Variants in MED27 observed in about 807,000 individuals in gnomAD.
MED27 encodes mediator complex subunit 27, also known as mediator of RNA polymerase II transcription subunit 27.
A neutral mutation model predicts 38.2 loss-of-function variants in MED27; 30 were observed. That is an observed-to-expected ratio of 0.79 (90% CI 0.59 to 1.07). MED27 has a LOEUF of 1.07. Among genes scored for constraint, MED27 ranks in the 50% least tolerant of loss-of-function variants. MED27 has a pLI of 0.00. For synonymous variants in MED27, 122 were observed against 153.5 expected (o/e 0.79, Z 1.52); for missense variants, 289 against 397.5 (o/e 0.73, Z 2.32).
intron 4 of MED27, among the ~76,000 whole-genome samples, chr9:131,899,403 C>T (rs1305499001): frequency 2.0e-5 from 3 of 152,328 alleles, no homozygotes; most frequent in Non-Finnish European, 4.4e-5. Context: ...GGCAGCCAGA[C>T]CTCCTGGCGG....
chr9:131,986,637 C>T (rs1034716771), intron 3 of MED27, among the ~76,000 whole-genome samples: 2 of 152,178 alleles, frequency 1.3e-5, no homozygotes, highest in Non-Finnish European at 2.9e-5. Flanking sequence ...TAACAGGCTA[C>T]ACCTTATAGC....
intron 2 of MED27, among the ~76,000 whole-genome samples, chr9:132,039,282 C>T (rs948987964): frequency 2.6e-5 from 4 of 152,104 alleles, no homozygotes; most frequent in African/African-American, 4.8e-5. Context: ...TGCTGAGAGG[C>T]GGGAGAACTC....
chr9:132,067,083 C>T (rs185363061), intron 2 of MED27, among the ~76,000 whole-genome samples: 247 of 152,356 alleles, frequency 1.6e-3, no homozygotes, highest in African/African-American at 5.5e-3. Context: ...TCCAATTTCA[C>T]TCCATTCAAA....
intron 3 of MED27, among the ~76,000 whole-genome samples, chr9:132,005,908 C>T (rs1238374793): frequency 6.6e-6 from 1 of 152,038 alleles, no homozygotes; most frequent in African/African-American, 2.4e-5. Context: ...AATATGGTCC[C>T]GCAATGGAGA....
chr9:131,990,094 A>T (rs1459574545), intron 3 of MED27, among the ~76,000 whole-genome samples: 2 of 152,044 alleles, frequency 1.3e-5, no homozygotes, highest in Non-Finnish European at 2.9e-5. Context: ...GATCCTTCCC[A>T]GACGGTGCTT....
At chr9:131,929,181 C>A (rs1425006512) in intron 4 of MED27, among the ~76,000 whole-genome samples, 1 of 152,156 alleles carries the variant, frequency 6.6e-6, no homozygotes, top group African/African-American at 2.4e-5. Context: ...CACCTGCTGA[C>A]CAAAGGGCCC....
Position 131,987,404 on chromosome 9 carries a change from G to T in MED27, c.479+26933C>A, listed in dbSNP as rs531469277. Among the ~76,000 whole-genome samples, 11 of 152,198 alleles carry T rather than the reference G, an allele frequency of 7.2e-5. 2 individuals are homozygous for T. Among genetic ancestry groups the T allele is most frequent in the Admixed American group, 6.5e-5 (1 of 15,294 alleles). On this transcript the variant is annotated intron_variant, in intron 3 of 7. Coordinates refer to ENST00000292035, the MANE Select transcript of MED27 (RefSeq NM_004269.4). ...TGGTGTGTCCCTAAAGTAGCAAAGC[G>T]GAGTCATTTACTCAATGCGGGGAGG...
At chr9:131,985,738 C>G (rs1831835477) in intron 3 of MED27, among the ~76,000 whole-genome samples, 1 of 150,886 alleles carries the variant, frequency 6.6e-6, no homozygotes, top group Non-Finnish European at 1.5e-5. Flanking sequence ...TTATTAAAAA[C>G]AGTTGACTGT....
chr9:131,920,384 T>C (rs967403287), intron 4 of MED27, among the ~76,000 whole-genome samples: 2 of 152,226 alleles, frequency 1.3e-5, no homozygotes, highest in Admixed American at 6.5e-5. Context: ...AAAGAAGACA[T>C]TTAATTTTCA....
At chr9:131,903,041 C>G (rs1829981783) in intron 4 of MED27, among the ~76,000 whole-genome samples, 1 of 152,038 alleles carries the variant, frequency 6.6e-6, no homozygotes, top group East Asian at 1.9e-4. Flanking sequence ...GTGCTCAGCA[C>G]CACATCTGAA....
chr9:132,002,922 A>AAAAAAAG (rs1202246128), intron 3 of MED27, among the ~76,000 whole-genome samples: 2 of 151,194 alleles, frequency 1.3e-5, no homozygotes, highest in African/African-American at 2.4e-5. Flanking sequence ...CTGTCTCAAA[A>AAAAAAAG]AAAAAAGAAA....
chr9:131,999,803 C>G (rs1026311748), intron 3 of MED27, among the ~76,000 whole-genome samples: 3 of 152,142 alleles, frequency 2.0e-5, no homozygotes, highest in Non-Finnish European at 2.9e-5. Flanking sequence ...ACAGCTATCA[C>G]ATCTGTACAG....
intron 6 of MED27, among the ~76,000 whole-genome samples, chr9:131,866,301 T>G (rs1037192021): frequency 6.6e-6 from 1 of 152,246 alleles, no homozygotes; most frequent in Admixed American, 6.5e-5. Context: ...AACTCAGTAC[T>G]GATAACTGCA....
At chr9:131,906,771 G>A (rs1001420533) in intron 4 of MED27, among the ~76,000 whole-genome samples, 4 of 152,142 alleles carry the variant, frequency 2.6e-5, no homozygotes, top group Non-Finnish European at 5.9e-5. Context: ...AATTTATTAG[G>A]AAAGTAAAGG....
intron 3 of MED27, among the ~76,000 whole-genome samples, chr9:131,959,776 T>C (rs544180655): frequency 2.0e-5 from 3 of 152,202 alleles, no homozygotes; most frequent in Non-Finnish European, 4.4e-5. Flanking sequence ...CTGGAATCTA[T>C]TATGCTTGAT....
intron 3 of MED27, among the ~76,000 whole-genome samples, chr9:131,991,137 T>C (rs1831962778): frequency 6.6e-6 from 1 of 152,146 alleles, no homozygotes; most frequent in South Asian, 2.1e-4. Context: ...TACCCAAATA[T>C]CTTTGAGGCA....
At chr9:131,891,607 C>T (rs1839229865) in intron 5 of MED27, among the ~76,000 whole-genome samples, 1 of 152,172 alleles carries the variant, frequency 6.6e-6, no homozygotes, top group Admixed American at 6.5e-5. Flanking sequence ...ACTTGTTTGA[C>T]CATGCATTGC....
chr9:132,036,358 C>T (rs1833077366), intron 2 of MED27, among the ~76,000 whole-genome samples: 1 of 152,028 alleles, frequency 6.6e-6, no homozygotes, highest in South Asian at 2.1e-4. Flanking sequence ...TACATATTAC[C>T]ACACCCAGCT....
chr9:131,891,035 T>C (rs2131498793), intron 5 of MED27, among the ~76,000 whole-genome samples: 1 of 152,348 alleles, frequency 6.6e-6, no homozygotes, highest in Middle Eastern at 3.4e-3. Context: ...ATGATAACTC[T>C]GTGCTGTAAG....
Sources: allele counts gnomAD v4.1 joint callset (sites outside exome capture counted in the v4.1 genomes callset), GRCh38; gene constraint gnomAD v4.1.1; transcripts MANE v1.5; gene names NCBI Gene and HGNC (gene_info 2026-07-23, HGNC 2026-07-21).